The following CLK1 variants were observed in gnomAD, a reference collection of about 807,000 sequenced individuals.
CLK1 encodes CDC like kinase 1.
A neutral mutation model predicts 60.9 loss-of-function variants in CLK1; 40 were observed. The ratio of observed to expected loss-of-function variants is 0.66; its 90% CI spans 0.51 to 0.86. The LOEUF (loss-of-function observed/expected upper bound fraction) is 0.86, where lower values mean the gene tolerates loss of function less well. CLK1 is among the 40% of genes least tolerant of loss of function. CLK1 has a pLI of 0.00. For synonymous variants in CLK1, 203 were observed against 184.4 expected (o/e 1.10, Z -0.82); for missense variants, 563 against 606.1 (o/e 0.93, Z 0.75).
At chr2:200,862,597 G>A (rs2039158377) in intron 1 of CLK1, among the ~76,000 whole-genome samples, 2 of 152,110 alleles carry the variant, frequency 1.3e-5, no homozygotes, top group African/African-American at 4.8e-5. Context: ...GACTCAGCCC[G>A]CCTGCACCCA....
At chr2:200,854,948 A>G in intron 10 of CLK1, 56 bp downstream of exon 10, 3 of 1,346,000 alleles carry the variant, frequency 2.2e-6, no homozygotes, top group Admixed American at 4.0e-5. Context: ...ATTTATTCAT[A>G]TAAACAGGCA....
chr2:200,857,228 C>T lies in CLK1; in HGVS notation c.833-243G>A, dbSNP rs2039058208. 18 of 478,144 alleles carry T rather than the reference C, an allele frequency of 3.8e-5. No individual in the cohort carries two copies. In the South Asian group the frequency reaches 4.4e-4, roughly 12 times the overall value. 29.6% of individuals were successfully genotyped at this position (478,144 alleles called of 1,614,324 possible). Reference sequence around the variant, plus strand: ...GGCTGAGGCAGGAGAATCACTTGAACTGGGGAGGCAGAGTTTGCAGTGAGT... The same window carrying T: ...GGCTGAGGCAGGAGAATCACTTGAATTGGGGAGGCAGAGTTTGCAGTGAGT... On this transcript the variant is annotated intron_variant, in intron 7 of 12. Transcript: ENST00000321356.
Position 200,858,842 on chromosome 2 carries a change from T to TAAA in CLK1, c.549-756_549-754dup, listed in dbSNP as rs10652214. 1.9e-4 allele frequency among the ~76,000 whole-genome samples: 28 copies of TAAA among 147,286 alleles called. 1 individual carries two copies. The highest frequency in any genetic ancestry group is 1.6e-4 in the Non-Finnish European group (11 of 66,942). On this transcript the variant is annotated intron_variant, in intron 5 of 12. Coordinates refer to ENST00000321356, the MANE Select transcript of CLK1 (RefSeq NM_004071.4). ...ACAACAACAACAACAAACAGGGAAC[T>TAAA]AAAAAAAAAGAGTAACGGAAAAAAT...
chr2:200,861,787 T>C lies in CLK1; in HGVS notation c.76A>G (p.Ser26Gly), dbSNP rs1350569577. 6.2e-7 allele frequency: 1 copy of C among 1,613,974 alleles called. No homozygotes were observed. The highest frequency in any genetic ancestry group is 1.3e-5 in the African/African-American group (1 of 74,908). The change falls in exon 2 of 13, where the codon AGC becomes GGC. Residue 26 changes from serine to glycine, a missense_variant. Around this residue, in one of 3 missense-constraint regions of CLK1, gnomAD observed 198 missense variants for 179.2 expected, o/e 1.10. Transcript: ENST00000321356. ...GATCTCTTCCTTCTTTTATGACTGC[T>C]GCTGCTCCTCCATTTTCCATAATCC... is the stretch of plus-strand genomic sequence containing the variant. ...DWDYGKWRSS[S>G]SHKRRKRSHS...
At chr2:200,864,418 T>C in intron 1 of CLK1, 146 bp downstream of exon 1, 1 of 697,458 alleles carries the variant, frequency 1.4e-6, no homozygotes, top group Non-Finnish European at 2.2e-6. Context: ...GCGCCGCCAC[T>C]GTGCAGCCTG....
At position 200,861,877 on chromosome 2, in the gene CLK1, A is replaced by G. The variant is rs771720033; in HGVS notation, c.1-15T>C. The G allele has an allele frequency of 6.2e-7, 1 of 1,612,030 alleles. No individual in the cohort carries two copies. The highest frequency in any genetic ancestry group is 8.5e-7 in the Non-Finnish European group (1 of 1,178,644). ...GAGTGTCTCATCTACATAAAAGGCA[A>G]GTTTTTCCTAGTTAAATTGTACCCC... On this transcript the variant is annotated splice_polypyrimidine_tract_variant and intron_variant, in intron 1 of 12. Transcript: ENST00000321356.
In CLK1 at chr2:200,864,620, A is replaced by T. The variant is rs1448959725; in HGVS notation, c.-57T>A. ...ACAAAGCTTGTAACGCAATCACGGGAATCACGCAGCTGACTGCGTCGCGCA... is the reference window on the plus strand; with the variant it reads ...ACAAAGCTTGTAACGCAATCACGGGTATCACGCAGCTGACTGCGTCGCGCA... On this transcript the variant is annotated 5_prime_UTR_variant, in exon 1 of 13. Coordinates refer to ENST00000321356, the MANE Select transcript of CLK1 (RefSeq NM_004071.4). 5.6e-6 allele frequency: 1 copy of T among 178,040 alleles called. No individual in the cohort carries two copies. Among genetic ancestry groups the T allele is most frequent in the Non-Finnish European group, 1.2e-5 (1 of 84,650 alleles). 11.0% of individuals were successfully genotyped at this position (178,040 alleles called of 1,614,324 possible). A position where few individuals can be genotyped will look rare whatever the true frequency, so the allele number is the denominator to read the frequency against.
intron 5 of CLK1, among the ~76,000 whole-genome samples, chr2:200,859,344 C>T (rs1003253292): frequency 1.3e-5 from 2 of 152,090 alleles, no homozygotes; most frequent in Non-Finnish European, 2.9e-5. Flanking sequence ...GCAAACCTCT[C>T]GAGGAGGATC....
At position 200,861,468 on chromosome 2, in the gene CLK1, T is replaced by C. The variant is rs768061426; in HGVS notation, c.162-2A>G. 6.2e-7 allele frequency: 1 copy of C among 1,610,872 alleles called. No homozygotes were observed. Among genetic ancestry groups the C allele is most frequent in the Non-Finnish European group, 8.5e-7 (1 of 1,178,826 alleles). ...ATAGACCTGCTTTCCAAATAATGGC[T>C]AGAGAAATAAAAATTATTTTCAATG... On this transcript the variant is annotated splice_acceptor_variant, in intron 2 of 12. Transcript: ENST00000321356. LOFTEE classifies it high-confidence loss of function.
At position 200,854,263 on chromosome 2, in the gene CLK1, C is replaced by T. The variant is rs552833584; in HGVS notation, c.1221-270G>A. On this transcript the variant is annotated intron_variant, in intron 11 of 12. Transcript: ENST00000321356. ...AAAAAAATTAAGTTCTGGCCAGGTG[C>T]GGTGGCTCACGCCTGTAATCTCAGC... is the stretch of plus-strand genomic sequence containing the variant. 1.6e-4 allele frequency: 54 copies of T among 332,938 alleles called. 1 individual carries two copies. Among genetic ancestry groups the T allele is most frequent in the East Asian group, 1.3e-3 (20 of 14,964 alleles). The allele number at this position is 332,938 out of a possible 1,614,324, so 20.6% of individuals were successfully genotyped here.
At chr2:200,854,583 A>T (rs780853094) in intron 11 of CLK1, 33 bp downstream of exon 11, 1 of 1,267,544 alleles carries the variant, frequency 7.9e-7, no homozygotes, top group South Asian at 1.2e-5. Flanking sequence ...TGATCAAATG[A>T]TACTAAGGAT....
In CLK1 at chr2:200,856,821, A is replaced by G. The variant is rs774432548; in HGVS notation, c.928-10T>C. On this transcript the variant is annotated splice_polypyrimidine_tract_variant and intron_variant, in intron 8 of 12. Transcript: ENST00000321356. ...TGCGTTCATCACGTTTCTGAAAATC[A>G]TAAATGATGGTTAAGAAGGCATAAG... is the stretch of plus-strand genomic sequence containing the variant. The G allele has an allele frequency of 1.2e-6, 2 of 1,612,366 alleles. No individual in the cohort carries two copies. The highest frequency in any genetic ancestry group is 4.5e-5 in the East Asian group (2 of 44,850).
chr2:200,855,109 A>G (rs780062775), intron 9 of CLK1, 23 bp from the exon 10 acceptor site: 1 of 1,552,350 alleles, frequency 6.4e-7, no homozygotes, highest in South Asian at 1.2e-5. Context: ...GCAAAATTTA[A>G]GGAAAAAAAA....
chr2:200,859,620 C>A, intron 5 of CLK1, 60 bp downstream of exon 5: 2 of 1,389,562 alleles, frequency 1.4e-6, no homozygotes, highest in Non-Finnish European at 1.0e-6. Context: ...CTTTCTAAAG[C>A]TAAATCAATT....
chr2:200,860,645 A>G (rs913809337), intron 3 of CLK1: 3 of 997,494 alleles, frequency 3.0e-6, no homozygotes, highest in Non-Finnish European at 3.6e-6. Context: ...AATCTAAGAA[A>G]ACAAATATTA....
chr2:200,861,453 T>C lies in CLK1; in HGVS notation c.175A>G (p.Ser59Gly), dbSNP rs1339314585. 5.0e-6 allele frequency: 8 copies of C among 1,612,470 alleles called. No individual in the cohort carries two copies. In the Admixed American group the frequency reaches 8.4e-5, roughly 17 times the overall value. Residue 59 changes from serine to glycine, a missense_variant, in exon 3 of 13, where the codon AGC (serine) becomes GGC (glycine). Transcript: ENST00000321356. ...TAATCTTTCTCATTTATAGACCTGC[T>C]TTCCAAATAATGGCTAGAGAAATAA... The part of the protein sequence containing the change: ...SKMCDSHYLE[S>G]RSINEKDYHS...
chr2:200,856,730 T>A lies in CLK1; in HGVS notation c.1009A>T (p.Ser337Cys). Residue 337 changes from serine to cysteine, a missense_variant, in exon 9 of 13, where the codon AGT (serine) becomes TGT (cysteine). Transcript: ENST00000321356. ...GSATYDDEHH[S>C]TLVSTRHYRA... ...TAATGTCTTGTAGATACCAATGTAC[T>A]GTGATGTTCGTCATCATATGTTGCA... is the stretch of plus-strand genomic sequence containing the variant. 1 of 1,613,020 alleles carries A rather than the reference T, an allele frequency of 6.2e-7. No individual in the cohort carries two copies. Among genetic ancestry groups the A allele is most frequent in the Non-Finnish European group, 8.5e-7 (1 of 1,179,652 alleles).
At chr2:200,862,226 G>C (rs1181065557) in intron 1 of CLK1, among the ~76,000 whole-genome samples, 1 of 152,126 alleles carries the variant, frequency 6.6e-6, no homozygotes. Context: ...TCAGGCCTCT[G>C]AGCCCAAGCT....
At chr2:200,861,138 T>C (rs1044650106) in intron 3 of CLK1, 100 bp downstream of exon 3, 5 of 1,520,180 alleles carry the variant, frequency 3.3e-6, no homozygotes, top group Non-Finnish European at 4.4e-6. Flanking sequence ...CTGAGATGAT[T>C]TCATCTTAAA....
Sources: allele counts gnomAD v4.1 joint callset (sites outside exome capture counted in the v4.1 genomes callset), GRCh38; gene constraint gnomAD v4.1.1; regional missense constraint gnomAD v4.1.1; transcripts MANE v1.5; gene names NCBI Gene and HGNC (gene_info 2026-07-23, HGNC 2026-07-21).